The following RARB variants were observed in gnomAD, a reference collection of about 807,000 sequenced individuals.
RARB encodes the protein HBV-activated protein.
Under a neutral mutation model 51.9 loss-of-function variants are expected in RARB, and 17 were observed. That is an observed-to-expected ratio of 0.33 (90% confidence interval 0.22 to 0.49). RARB has a LOEUF of 0.49. Among genes scored for constraint, RARB ranks in the 20% least tolerant of loss-of-function variants. The pLI is 0.99. For synonymous variants in RARB, 215 were observed against 195.4 expected, an observed-to-expected ratio of 1.10 and a Z score of -0.84; for missense variants, 369 against 550.8, an observed-to-expected ratio of 0.67 and a Z score of 3.30.
At chr3:25,409,100 C>T (rs1361506228) in intron 5 of RARB, among the ~76,000 whole-genome samples, 3 of 152,152 alleles carry the variant, frequency 2.0e-5, no homozygotes, top group African/African-American at 7.2e-5. Flanking sequence ...ATGACAGTGC[C>T]AACGCAGCAA....
intron 3 of RARB, among the ~76,000 whole-genome samples, chr3:25,126,444 T>C (rs1575172324): frequency 7.0e-6 from 1 of 143,840 alleles, no homozygotes; most frequent in Non-Finnish European, 1.5e-5. Context: ...AACAATCTCT[T>C]TTTTTTTTTT....
chr3:25,259,649 C>T (rs187546941), intron 5 of RARB, among the ~76,000 whole-genome samples: 2 of 152,204 alleles, frequency 1.3e-5, no homozygotes, highest in Non-Finnish European at 2.9e-5. Flanking sequence ...CGGGTTTATC[C>T]GTTACAGCAG....
intron 2 of RARB, among the ~76,000 whole-genome samples, chr3:25,053,673 C>G (rs1170569481): frequency 2.0e-5 from 3 of 152,134 alleles, no homozygotes; most frequent in Non-Finnish European, 4.4e-5. Flanking sequence ...CCCATGTGTT[C>G]CATAAATGTT....
chr3:24,992,622 T>C (rs770265980), intron 2 of RARB, among the ~76,000 whole-genome samples: 1 of 152,190 alleles, frequency 6.6e-6, no homozygotes, highest in Non-Finnish European at 1.5e-5. Context: ...AATCTTGAAG[T>C]CCAAGGTCAA....
intron 2 of RARB, among the ~76,000 whole-genome samples, chr3:24,975,655 T>C (rs183961960): frequency 6.6e-6 from 1 of 152,322 alleles, no homozygotes; most frequent in East Asian, 1.9e-4. Context: ...CAATAATTTT[T>C]AAACAGTTTT....
At chr3:25,545,973 C>A (rs576935775) in intron 3 of RARB, among the ~76,000 whole-genome samples, 1 of 152,074 alleles carries the variant, frequency 6.6e-6, no homozygotes, top group Non-Finnish European at 1.5e-5. Flanking sequence ...TAAGGAAGGC[C>A]TTATGAGAAG....
chr3:25,058,063 A>C (rs1401573869), intron 2 of RARB, among the ~76,000 whole-genome samples: 1 of 151,994 alleles, frequency 6.6e-6, no homozygotes, highest in Admixed American at 6.6e-5. Flanking sequence ...AATTGACTTT[A>C]GAGCATAAAC....
intron 3 of RARB, among the ~76,000 whole-genome samples, chr3:25,557,007 G>T (rs1030167710): frequency 2.0e-5 from 3 of 152,148 alleles, no homozygotes; most frequent in African/African-American, 7.2e-5. Context: ...GTGCAAGGTA[G>T]GTCAACAAAT....
intron 5 of RARB, among the ~76,000 whole-genome samples, chr3:25,208,638 A>T (rs189445704): frequency 1.5e-4 from 23 of 152,028 alleles, no homozygotes; most frequent in African/African-American, 5.5e-4. Flanking sequence ...AAAACATCTC[A>T]CTGCACCATA....
intron 5 of RARB, among the ~76,000 whole-genome samples, chr3:25,216,295 G>T (rs557222753): frequency 3.3e-5 from 5 of 151,938 alleles, no homozygotes; most frequent in African/African-American, 1.2e-4. Context: ...ACTTTTATCA[G>T]CCAAATGTAT....
Position 25,349,111 on chromosome 3 carries a change from C to T in RARB, c.179-112082C>T, listed in dbSNP as rs374888144. 3.9e-5 allele frequency among the ~76,000 whole-genome samples: 6 copies of T among 152,294 alleles called. No homozygotes were observed. In the South Asian group the frequency reaches 8.3e-4, roughly 21 times the overall value. ...TCCCTTCCATCCACTCCACACTATC[C>T]GTTACCCTTCCCCCAATGAAGGCGG... is the stretch of plus-strand genomic sequence containing the variant. On this transcript the variant is annotated intron_variant, in intron 5 of 11. Coordinates refer to the RARB transcript ENST00000383772.
intron 3 of RARB, among the ~76,000 whole-genome samples, chr3:25,088,405 G>C (rs1169694935): frequency 6.6e-6 from 1 of 152,118 alleles, no homozygotes; most frequent in East Asian, 1.9e-4. Context: ...TGCCACGCTG[G>C]TCTTTGTTCA....
chr3:25,328,326 C>T (rs1379316840), intron 5 of RARB, among the ~76,000 whole-genome samples: 2 of 152,194 alleles, frequency 1.3e-5, no homozygotes, highest in Non-Finnish European at 1.5e-5. Flanking sequence ...TCAAAACAAG[C>T]CTGCCCAACA....
At chr3:25,173,000 C>G (rs1209796789) in intron 4 of RARB, among the ~76,000 whole-genome samples, 1 of 152,218 alleles carries the variant, frequency 6.6e-6, no homozygotes, top group Non-Finnish European at 1.5e-5. Context: ...CTACTCTATT[C>G]TGGCCTTGAA....
chr3:25,140,207 T>C (rs1700087985), intron 4 of RARB, among the ~76,000 whole-genome samples: 1 of 152,172 alleles, frequency 6.6e-6, no homozygotes, highest in Non-Finnish European at 1.5e-5. Flanking sequence ...AAGGTACAGC[T>C]GCCATAGATA....
In RARB at chr3:25,428,471, C is replaced by T. The variant is rs937728708; in HGVS notation, c.-261C>T. The stretch of plus-strand genomic sequence containing the variant: ...TGCAAGCATTTACTTGGAAGGAGAA[C>T]TTGGGATCTTTCTGGGAACCCCCCG... On this transcript the variant is annotated 5_prime_UTR_variant, in exon 1 of 8. Coordinates refer to ENST00000330688, the MANE Select transcript of RARB (RefSeq NM_000965.5). 3 of 1,270,172 alleles carry T rather than the reference C, an allele frequency of 2.4e-6. No individual in the cohort carries two copies. The highest frequency in any genetic ancestry group is 6.3e-5 in the South Asian group (2 of 31,880). 78.7% of individuals were successfully genotyped at this position (1,270,172 alleles called of 1,614,324 possible). A position where few individuals can be genotyped will look rare whatever the true frequency, so the allele number is the denominator to read the frequency against.
At chr3:25,402,248 T>C (rs984005769) in intron 5 of RARB, among the ~76,000 whole-genome samples, 1 of 152,192 alleles carries the variant, frequency 6.6e-6, no homozygotes, top group African/African-American at 2.4e-5. Context: ...CAAAGCCAGT[T>C]TCATCCAACA....
chr3:25,585,849 C>G (rs79460596), intron 5 of RARB, among the ~76,000 whole-genome samples: 6,742 of 152,294 alleles, frequency 0.044, 201 homozygotes, highest in Non-Finnish European at 0.066. Flanking sequence ...GGTCGCGCAG[C>G]TAGTAAACAG....
At chr3:25,198,411 A>G (rs1042585395) in intron 5 of RARB, among the ~76,000 whole-genome samples, 3 of 152,148 alleles carry the variant, frequency 2.0e-5, no homozygotes, top group Admixed American at 2.0e-4. Flanking sequence ...ACCAAAGCAA[A>G]AATGGACAAA....
Sources: allele counts gnomAD v4.1 joint callset (sites outside exome capture counted in the v4.1 genomes callset), GRCh38; gene constraint gnomAD v4.1.1; transcripts MANE v1.5; gene names NCBI Gene and HGNC (gene_info 2026-07-23, HGNC 2026-07-21).